The following STARD13 variants were observed in gnomAD, a reference collection of about 807,000 sequenced individuals.
STARD13 encodes StAR related lipid transfer domain containing 13.
STARD13 carries 62 observed loss-of-function variants against 106.4 expected under a neutral mutation model. The observed-to-expected ratio is 0.58, with a 90% CI of 0.48 to 0.72. The LOEUF (loss-of-function observed/expected upper bound fraction) is 0.72, where lower values mean the gene tolerates loss of function less well. Ranked by LOEUF, STARD13 falls within the 30% of genes least tolerant of loss-of-function variation. The pLI, the probability that STARD13 is intolerant of heterozygous loss-of-function variation, is 0.00. For missense variants in STARD13, 1,387 were observed against 1,424.0 expected, an observed-to-expected ratio of 0.97 and a Z score of 0.42; for synonymous variants, 565 against 553.0, an observed-to-expected ratio of 1.02 and a Z score of -0.31.
the STARD13 span, among the ~76,000 whole-genome samples, chr13:33,526,161 G>A: frequency 1.3e-5 from 2 of 151,908 alleles, no homozygotes; most frequent in African/African-American, 2.4e-5. Flanking sequence ...CACTGTGGCC[G>A]GCAATAATTG....
the STARD13 span, among the ~76,000 whole-genome samples, chr13:33,456,130 T>C: frequency 6.6e-6 from 1 of 152,180 alleles, no homozygotes; most frequent in Admixed American, 6.5e-5. Flanking sequence ...TGTATCAGTG[T>C]GCTAGGGCTG....
the STARD13 span, among the ~76,000 whole-genome samples, chr13:33,384,834 A>T: frequency 1.3e-5 from 2 of 152,084 alleles, no homozygotes; most frequent in Non-Finnish European, 2.9e-5. Flanking sequence ...ACTTAGTTAA[A>T]TGTGCCCAGG....
rs150898613 is a variant in STARD13 at position 33,112,903 on chromosome 13, G to A, written c.2310C>T (p.Ala770=). 9.4e-4 allele frequency: 1,511 copies of A among 1,612,082 alleles called. 14 individuals are homozygous for A. In the African/African-American group the frequency reaches 0.016, roughly 17 times the overall value. Residue 770 remains alanine, a synonymous_variant, in exon 9 of 14, where the codon GCC becomes GCT. Transcript: ENST00000336934. Reference sequence around the variant, plus strand: ...CCAGTAGCAGGATGGCAGCCTGCACGGCCTGCAGCCGCTGCTCTTTGGAGA... The same window carrying A: ...CCAGTAGCAGGATGGCAGCCTGCACAGCCTGCAGCCGCTGCTCTTTGGAGA... ...QYVSKEQRLQ[A]VQAAILLLAD... is the part of the protein sequence containing the mutation.
At chr13:33,240,022 A>C (rs993583530) in intron 1 of STARD13, among the ~76,000 whole-genome samples, 1 of 152,152 alleles carries the variant, frequency 6.6e-6, no homozygotes, top group Non-Finnish European at 1.5e-5. Context: ...TATAGTTTTC[A>C]GGTCTTACAT....
the STARD13 span, among the ~76,000 whole-genome samples, chr13:33,619,989 GGAGGTTGCAGT>G: frequency 2.0e-5 from 3 of 152,088 alleles, no homozygotes; most frequent in Non-Finnish European, 4.4e-5. Flanking sequence ...CTAGGGAGCC[GGAGGTTGCAGT>G]GAGCTAAGAT....
At chr13:33,467,026 G>A in the STARD13 span, among the ~76,000 whole-genome samples, 1 of 151,948 alleles carries the variant, frequency 6.6e-6, no homozygotes, top group Non-Finnish European at 1.5e-5. Flanking sequence ...TCACTGACTG[G>A]GACCACAGTG....
intron 3 of STARD13, 28 bp from the exon 4 acceptor site, chr13:33,142,401 AC>A: frequency 6.4e-7 from 1 of 1,571,306 alleles, no homozygotes. Context: ...TGTGATGATT[AC>A]TTTCACTAAT....
the STARD13 span, among the ~76,000 whole-genome samples, chr13:33,546,925 CT>C: frequency 6.6e-6 from 1 of 151,808 alleles, no homozygotes; most frequent in Admixed American, 6.6e-5. Flanking sequence ...TTTGGAATAG[CT>C]CATTTTAAGC....
chr13:33,581,515 A>G, the STARD13 span, among the ~76,000 whole-genome samples: 3 of 152,098 alleles, frequency 2.0e-5, no homozygotes, highest in Non-Finnish European at 2.9e-5. Context: ...GTAGGATTTT[A>G]TTTCTGTTGC....
the STARD13 span, among the ~76,000 whole-genome samples, chr13:33,512,610 G>A: frequency 6.6e-6 from 1 of 152,084 alleles, no homozygotes; most frequent in African/African-American, 2.4e-5. Flanking sequence ...TGGGTTTATA[G>A]GTGCCCGCCA....
chr13:33,285,195 T>A (rs932074341), intron 1 of STARD13, among the ~76,000 whole-genome samples: 1 of 152,174 alleles, frequency 6.6e-6, no homozygotes, highest in Non-Finnish European at 1.5e-5. Context: ...ACAGTTCTCA[T>A]CTGTTCTGTA....
chr13:33,553,357 A>C, the STARD13 span, among the ~76,000 whole-genome samples: 4 of 152,034 alleles, frequency 2.6e-5, no homozygotes, highest in Non-Finnish European at 5.9e-5. Flanking sequence ...AGTAATTTTA[A>C]GTAGCATGTG....
At chr13:33,461,175 G>A in the STARD13 span, among the ~76,000 whole-genome samples, 2 of 152,146 alleles carry the variant, frequency 1.3e-5, no homozygotes, top group Admixed American at 6.6e-5. Flanking sequence ...ATGGTGTCCT[G>A]GGTGCTGGCA....
chr13:33,644,743 C>A, the STARD13 span, among the ~76,000 whole-genome samples: 1 of 152,078 alleles, frequency 6.6e-6, no homozygotes, highest in African/African-American at 2.4e-5. Flanking sequence ...GTCTGTGTTC[C>A]AAAAAAGCAG....
At chr13:33,536,633 T>G in the STARD13 span, among the ~76,000 whole-genome samples, 7 of 152,338 alleles carry the variant, frequency 4.6e-5, no homozygotes, top group African/African-American at 1.7e-4. Flanking sequence ...TATAACTCTC[T>G]CTGGGCTAGC....
At chr13:33,236,079 CT>C (rs1031520564) in intron 1 of STARD13, among the ~76,000 whole-genome samples, 42 of 152,310 alleles carry the variant, frequency 2.8e-4, no homozygotes, top group African/African-American at 9.6e-4. Flanking sequence ...TGAAAACGTA[CT>C]GTTTTTATTA....
the STARD13 span, among the ~76,000 whole-genome samples, chr13:33,364,813 C>T: frequency 2.3e-3 from 357 of 152,074 alleles, no homozygotes; most frequent in African/African-American, 7.7e-3. Context: ...GGCGTGAACC[C>T]GGGAGGCGGA....
chr13:33,419,017 G>A, the STARD13 span, among the ~76,000 whole-genome samples: 1 of 152,224 alleles, frequency 6.6e-6, no homozygotes, highest in South Asian at 2.1e-4. Context: ...AGAAACCAGA[G>A]CAGAAAAGCT....
At chr13:33,111,029 A>AAT in intron 10 of STARD13, 122 bp from the exon 11 acceptor site, 1 of 785,630 alleles carries the variant, frequency 1.3e-6, no homozygotes, top group South Asian at 1.7e-5. Flanking sequence ...CCACACGGCC[A>AAT]GAGATGTTTT....
Sources: allele counts gnomAD v4.1 joint callset (sites outside exome capture counted in the v4.1 genomes callset), GRCh38; gene constraint gnomAD v4.1.1; transcripts MANE v1.5; gene names NCBI Gene and HGNC (gene_info 2026-07-23, HGNC 2026-07-21).